The following L3MBTL3 variants were observed in gnomAD, a reference collection of about 807,000 sequenced individuals.
L3MBTL3 encodes the protein L3MBTL histone methyl-lysine binding protein 3, also known as lethal(3)malignant brain tumor-like protein 3.
A neutral mutation model predicts 102.3 loss-of-function variants in L3MBTL3; 27 were observed. That is an observed-to-expected ratio of 0.26 (90% confidence interval 0.19 to 0.36). The LOEUF is 0.36. Ranked by LOEUF, L3MBTL3 falls within the 10% of genes least tolerant of loss-of-function variation. The probability of loss-of-function intolerance (pLI) is 1.00; values close to 1 mark genes in which losing one functional copy is unlikely to be tolerated. For synonymous variants in L3MBTL3, 340 were observed against 320.9 expected (o/e 1.06, Z -0.64); for missense variants, 798 against 955.3 (o/e 0.84, Z 2.17).
chr6:130,097,884 G>A (rs775746276), intron 18 of L3MBTL3, among the ~76,000 whole-genome samples: 1 of 152,026 alleles, frequency 6.6e-6, no homozygotes, highest in East Asian at 1.9e-4. Flanking sequence ...CCTGACCAAC[G>A]TGAAGAAACC....
intron 22 of L3MBTL3, among the ~76,000 whole-genome samples, chr6:130,136,032 T>A (rs948884571): frequency 6.6e-6 from 1 of 152,192 alleles, no homozygotes; most frequent in African/African-American, 2.4e-5. Flanking sequence ...CCACATCTCA[T>A]CTGTTGAAAA....
intron 16 of L3MBTL3, among the ~76,000 whole-genome samples, chr6:130,089,663 A>G (rs1275426713): frequency 3.3e-5 from 5 of 152,162 alleles, no homozygotes; most frequent in Admixed American, 6.5e-5. Context: ...CAATGGTTGA[A>G]CTAGTTTACA....
At chr6:130,124,297 C>G (rs1246432570) in intron 20 of L3MBTL3, among the ~76,000 whole-genome samples, 1 of 152,182 alleles carries the variant, frequency 6.6e-6, no homozygotes, top group Non-Finnish European at 1.5e-5. Flanking sequence ...GAATGAAGCC[C>G]TGGTTCTGAA....
At chr6:130,122,797 G>A (rs769104215) in intron 20 of L3MBTL3, among the ~76,000 whole-genome samples, 3 of 152,112 alleles carry the variant, frequency 2.0e-5, no homozygotes, top group Admixed American at 6.6e-5. Flanking sequence ...CTAGCTGTGC[G>A]GCTAGCTCTG....
intron 20 of L3MBTL3, among the ~76,000 whole-genome samples, chr6:130,129,854 A>G (rs1582638962): frequency 6.6e-6 from 1 of 152,166 alleles, no homozygotes; most frequent in Non-Finnish European, 1.5e-5. Flanking sequence ...GCCAGAGTCT[A>G]TTTGCATTTA....
chr6:130,056,437 C>T (rs1781514957), intron 8 of L3MBTL3, among the ~76,000 whole-genome samples: 2 of 152,204 alleles, frequency 1.3e-5, no homozygotes, highest in Non-Finnish European at 1.5e-5. Context: ...CACAGTCAGT[C>T]ATACTGTCCC....
intron 2 of L3MBTL3, among the ~76,000 whole-genome samples, chr6:130,038,472 A>AGAT (rs1780203282): frequency 6.6e-6 from 1 of 151,556 alleles, no homozygotes; most frequent in Non-Finnish European, 1.5e-5. Context: ...AATTGGGGTG[A>AGAT]GATGATATCT....
rs1786123236 is a variant in L3MBTL3, at chr6:130,120,906, A to T, written c.1914A>T (p.Glu638Asp). Residue 638 changes from glutamate to aspartate, a missense_variant, in exon 20 of 23, where the codon GAA becomes GAT. Physicochemically the swap from Glu to Asp is conservative, Grantham distance 45. Coordinates refer to ENST00000361794, the MANE Select transcript of L3MBTL3 (RefSeq NM_032438.4). ...ACCAGCATGCTGATGATGTCAAAGA[A>T]GACTTTGAAGAGAGAACAGAAAGTG... ...IRDQHADDVK[E>D]DFEERTESEM... is the part of the protein sequence containing the mutation. 1 of 1,612,100 alleles carries T rather than the reference A, an allele frequency of 6.2e-7. No individual in the cohort carries two copies. The highest frequency in any genetic ancestry group is 1.3e-5 in the African/African-American group (1 of 74,952).
At chr6:130,137,462 T>G (rs1055920592) in intron 22 of L3MBTL3, among the ~76,000 whole-genome samples, 1 of 152,232 alleles carries the variant, frequency 6.6e-6, no homozygotes, top group African/African-American at 2.4e-5. Context: ...TGGCCACATG[T>G]CAGAGCAACC....
chr6:130,061,101 T>C (rs889334755), intron 10 of L3MBTL3, among the ~76,000 whole-genome samples: 4 of 120,092 alleles, frequency 3.3e-5, no homozygotes, highest in Non-Finnish European at 7.6e-5. Context: ...TTTTTTTTTT[T>C]TGAGATGGAG....
At chr6:130,053,190 T>C (rs758315884) in intron 7 of L3MBTL3, among the ~76,000 whole-genome samples, 199 bp downstream of exon 7, 11 of 47,802 alleles carry the variant, frequency 2.3e-4, no homozygotes, top group Admixed American at 9.9e-4. Context: ...ATAGTATCCT[T>C]CTCTCAGGGT....
chr6:130,070,867 G>T, intron 12 of L3MBTL3, 109 bp from the exon 13 acceptor site: 2 of 346,936 alleles, frequency 5.8e-6, no homozygotes, highest in Non-Finnish European at 4.5e-6. Flanking sequence ...TAAATTATGT[G>T]AATACAGCAG....
chr6:130,064,534 G>A (rs1782116263), intron 10 of L3MBTL3, among the ~76,000 whole-genome samples: 2 of 152,176 alleles, frequency 1.3e-5, no homozygotes, highest in South Asian at 4.1e-4. Context: ...CAGATGGAAA[G>A]GAAGAGAATA....
At chr6:130,081,715 G>A (rs905187128) in intron 14 of L3MBTL3, among the ~76,000 whole-genome samples, 7 of 151,806 alleles carry the variant, frequency 4.6e-5, no homozygotes, top group Admixed American at 1.3e-4. Context: ...GTGAGCCACC[G>A]CACCCGGCTG....
chr6:130,030,559 C>T (rs1180864790), intron 2 of L3MBTL3, among the ~76,000 whole-genome samples: 12 of 145,722 alleles, frequency 8.2e-5, no homozygotes, highest in Non-Finnish European at 1.5e-4. Context: ...CCCAGCTACT[C>T]GGGAGGTTGA....
At chr6:130,050,066 T>C (rs1025826798) in intron 5 of L3MBTL3, among the ~76,000 whole-genome samples, 1 of 152,216 alleles carries the variant, frequency 6.6e-6, no homozygotes, top group African/African-American at 2.4e-5. Flanking sequence ...GCCTTTTCTA[T>C]CTATCATCTT....
At chr6:130,036,077 C>G (rs1273250665) in intron 2 of L3MBTL3, among the ~76,000 whole-genome samples, 2 of 151,800 alleles carry the variant, frequency 1.3e-5, no homozygotes, top group East Asian at 1.9e-4. Flanking sequence ...GAACAAAACA[C>G]AAGAGCATTT....
intron 19 of L3MBTL3, among the ~76,000 whole-genome samples, chr6:130,114,654 G>T (rs1192944240): frequency 6.6e-6 from 1 of 152,056 alleles, no homozygotes; most frequent in Non-Finnish European, 1.5e-5. Context: ...AAATAGGCCT[G>T]TTAACCAAAA....
chr6:130,038,099 C>A (rs2114645406), intron 2 of L3MBTL3, among the ~76,000 whole-genome samples: 1 of 152,192 alleles, frequency 6.6e-6, no homozygotes, highest in South Asian at 2.1e-4. Flanking sequence ...TCACAAATGA[C>A]AGGATTTCAT....
Sources: gnomAD v4.1 joint callset for allele counts (sites outside exome capture counted in the v4.1 genomes callset) on GRCh38, gnomAD v4.1.1 for gene constraint, MANE v1.5 for transcripts, NCBI Gene and HGNC (gene_info 2026-07-23, HGNC 2026-07-21) for gene names.